The following RPL13A variants were observed in gnomAD, a reference collection of about 807,000 sequenced individuals.
RPL13A encodes the protein ribosomal protein L13a, also known as large ribosomal subunit protein uL13.
In RPL13A, 4 loss-of-function variants were observed where a neutral mutation model predicts 30.8. The ratio of observed to expected loss-of-function variants is 0.13; its 90% CI spans 0.06 to 0.30. The LOEUF is 0.30. Ranked by LOEUF, RPL13A falls within the 10% of genes least tolerant of loss-of-function variation. The pLI is 1.00. For missense variants in RPL13A, 196 were observed against 272.6 expected (o/e 0.72, Z 1.98); for synonymous variants, 108 against 104.2 (o/e 1.04, Z -0.22).
In RPL13A at chr19:49,491,792, A is replaced by C. The variant is rs1245076136; in HGVS notation, c.589A>C (p.Lys197Gln). 1 of 1,611,018 alleles carries C rather than the reference A, an allele frequency of 6.2e-7. No homozygotes were observed. The highest frequency in any genetic ancestry group is 1.3e-5 in the African/African-American group (1 of 74,882). The change falls in exon 8 of 8, where the codon AAG (lysine) becomes CAG (glutamine). Residue 197 changes from lysine to glutamine, a missense_variant. By Grantham distance (53) the Lys-to-Gln change is moderately conservative. Coordinates refer to ENST00000391857, the MANE Select transcript of RPL13A (RefSeq NM_012423.4). ...KKIDKYTEVL[K>Q]THGLLV ...AATTGACAAATACACAGAGGTCCTCAAGACCCACGGACTCCTGGTCTGAGC... is the reference window on the plus strand; with the variant it reads ...AATTGACAAATACACAGAGGTCCTCCAGACCCACGGACTCCTGGTCTGAGC...
At position 49,491,982 on chromosome 19, in the gene RPL13A, C is replaced by A. The variant is rs1165410066; in HGVS notation, c.*167C>A. 2.8e-5 allele frequency: 17 copies of A among 597,286 alleles called. No individual in the cohort carries two copies. The highest frequency in any genetic ancestry group is 2.6e-4 in the Middle Eastern group (1 of 3,824). 37.0% of individuals were successfully genotyped at this position (597,286 alleles called of 1,614,324 possible). A position where few individuals can be genotyped will look rare whatever the true frequency, so the allele number is the denominator to read the frequency against. On this transcript the variant is annotated 3_prime_UTR_variant, in exon 8 of 8. Coordinates refer to ENST00000391857, the MANE Select transcript of RPL13A (RefSeq NM_012423.4). ...TCTTAGTCACTGCCTCCCGAAGTTGCTTGAAAGCACTCGGAGAATTGTGCA... is the reference window on the plus strand; with the variant it reads ...TCTTAGTCACTGCCTCCCGAAGTTGATTGAAAGCACTCGGAGAATTGTGCA...
At chr19:49,490,203 G>A (rs187072143) in intron 2 of RPL13A, 29 bp from the exon 3 acceptor site, 17 of 1,612,022 alleles carry the variant, frequency 1.1e-5, no homozygotes, top group African/African-American at 9.3e-5. Flanking sequence ...CAGGCGGCTC[G>A]GCCCTGCTAA....
At chr19:49,490,891 G>A (rs747722917) in intron 5 of RPL13A, 27 bp downstream of exon 5, 2 of 1,612,216 alleles carry the variant, frequency 1.2e-6, no homozygotes, top group East Asian at 4.5e-5. Context: ...CCCACAGGCA[G>A]CGGCCTTACC....
At chr19:49,488,925 C>T (rs758931432) in intron 1 of RPL13A, among the ~76,000 whole-genome samples, 5 of 152,092 alleles carry the variant, frequency 3.3e-5, no homozygotes. Context: ...AGGATGGTCT[C>T]GAACTCCTGA....
At chr19:49,491,626 T>TTAA in intron 7 of RPL13A, 79 bp downstream of exon 7, 2 of 1,561,646 alleles carry the variant, frequency 1.3e-6, no homozygotes, top group Non-Finnish European at 1.7e-6. Context: ...CAGAGTACTC[T>TTAA]TAACTGGCAA....
intron 1 of RPL13A, 132 bp from the exon 2 acceptor site, chr19:49,489,718 T>C: frequency 1.3e-6 from 1 of 760,544 alleles, no homozygotes; most frequent in South Asian, 1.5e-5. Context: ...GCTCCGTGCA[T>C]AGTTCCCAGC....
intron 2 of RPL13A, 68 bp downstream of exon 2, chr19:49,489,990 C>A: frequency 1.5e-6 from 2 of 1,296,624 alleles, no homozygotes; most frequent in Non-Finnish European, 2.2e-6. Context: ...CAACATTCAC[C>A]ATCTTTCGTT....
chr19:49,490,337 C>A, intron 3 of RPL13A, 40 bp downstream of exon 3: 1 of 1,605,860 alleles, frequency 6.2e-7, no homozygotes, highest in South Asian at 1.1e-5. Context: ...GAGGGTCTCC[C>A]TGTGGGGTGT....
chr19:49,490,722 G>A, intron 4 of RPL13A, 57 bp from the exon 5 acceptor site: 3 of 1,590,854 alleles, frequency 1.9e-6, no homozygotes, highest in Non-Finnish European at 2.6e-6. Flanking sequence ...CCTCAGTGGG[G>A]TGGGTGGGCA....
In RPL13A at chr19:49,489,734, T is replaced by C. The variant is rs763321525; in HGVS notation, c.16-116T>C. On this transcript the variant is annotated intron_variant, in intron 1 of 7. Transcript: ENST00000391857. The stretch of plus-strand genomic sequence containing the variant: ...CTCCGTGCATAGTTCCCAGCTCTGA[T>C]GGCTGGGTGCAAGGCACGCTGTTGG... The C allele has an allele frequency of 4.8e-6, 4 of 833,456 alleles. No homozygotes were observed. The African/African-American group carries it at 6.6e-5, about 14-fold the overall frequency. The allele number at this position is 833,456 out of a possible 1,614,324, so 51.6% of individuals were successfully genotyped here. A position where few individuals can be genotyped will look rare whatever the true frequency, so the allele number is the denominator to read the frequency against.
rs768976103 is a variant in RPL13A at position 49,490,520 on chromosome 19, C to A, written c.200C>A (p.Ser67Tyr). The change falls in exon 4 of 8, where the codon TCC (serine) becomes TAC (tyrosine). Residue 67 changes from serine (S) to tyrosine (Y), a missense_variant. Coordinates refer to ENST00000391857, the MANE Select transcript of RPL13A (RefSeq NM_012423.4). ...CGCAAGCGGATGAACACCAACCCTT[C>A]CCGAGGCCCCTACCACTTCCGGGCC... is the stretch of plus-strand genomic sequence containing the variant. Reference protein sequence around the residue: ...FLRKRMNTNPSRGPYHFRAPS... With the variant: ...FLRKRMNTNPYRGPYHFRAPS... 7 of 1,614,080 alleles carry A rather than the reference C, an allele frequency of 4.3e-6. No individual in the cohort carries two copies. The highest frequency in any genetic ancestry group is 5.9e-6 in the Non-Finnish European group (7 of 1,180,050).
rs61738922 is a variant in RPL13A at position 49,489,894 on chromosome 19, G to T, written c.60G>T (p.Ala20=). ...DGRGHLLGRL[A]AIVAKQVLLG... ...GAGGCCATCTCCTGGGCCGCCTGGC[G>T]GCCATCGTGGCTAAACAGGTACTGC... is the stretch of plus-strand genomic sequence containing the variant. Residue 20 remains alanine (A), a synonymous_variant, in exon 2 of 8, where the codon GCG becomes GCT. Coordinates refer to ENST00000391857, the MANE Select transcript of RPL13A (RefSeq NM_012423.4). The T allele has an allele frequency of 5.1e-5, 83 of 1,614,010 alleles. No homozygotes were observed. The highest frequency in any genetic ancestry group is 6.7e-5 in the Non-Finnish European group (79 of 1,179,976).
At chr19:49,489,803 C>CA in intron 1 of RPL13A, 47 bp from the exon 2 acceptor site, 1 of 1,454,872 alleles carries the variant, frequency 6.9e-7, no homozygotes. Flanking sequence ...TGAGGACAAT[C>CA]AAAGGCTGTC....
intron 7 of RPL13A, 22 bp from the exon 8 acceptor site, chr19:49,491,707 C>T (rs780766643): frequency 6.2e-7 from 1 of 1,610,056 alleles, no homozygotes; most frequent in Non-Finnish European, 8.5e-7. Flanking sequence ...TGACCACCAC[C>T]ACCTGCACTT....
Position 49,490,883 on chromosome 19 carries a change from C to T in RPL13A, c.342+19C>T, listed in dbSNP as rs978301009. 1.2e-6 allele frequency: 2 copies of T among 1,613,758 alleles called. No homozygotes were observed. The highest frequency in any genetic ancestry group is 1.7e-6 in the Non-Finnish European group (2 of 1,179,768). Reference sequence around the variant, plus strand: ...CGACAAGGTGAGCTATGCCAAACCCCACAGGCAGCGGCCTTACCTGTGGCG... The same window carrying T: ...CGACAAGGTGAGCTATGCCAAACCCTACAGGCAGCGGCCTTACCTGTGGCG... On this transcript the variant is annotated intron_variant, in intron 5 of 7. Coordinates refer to ENST00000391857, the MANE Select transcript of RPL13A (RefSeq NM_012423.4).
chr19:49,487,764 G>T (rs1379269562), intron 1 of RPL13A, 120 bp downstream of exon 1: 1 of 1,097,582 alleles, frequency 9.1e-7, no homozygotes, highest in Non-Finnish European at 1.3e-6. Context: ...GAAGCAAAAT[G>T]GAAGTCTTTT....
At position 49,492,099 on chromosome 19, in the gene RPL13A, G is replaced by A. The variant is rs918447962; in HGVS notation, c.*284G>A. On this transcript the variant is annotated 3_prime_UTR_variant, in exon 8 of 8. Transcript: ENST00000391857. ...CTGATTGGAGGGCCCTATCTTGTGAGTGGGGCATCTGTTGGACTTTCCACC... is the reference window on the plus strand; with the variant it reads ...CTGATTGGAGGGCCCTATCTTGTGAATGGGGCATCTGTTGGACTTTCCACC... The A allele has an allele frequency of 2.6e-5, 10 of 389,128 alleles. No individual in the cohort carries two copies. Among genetic ancestry groups the A allele is most frequent in the Non-Finnish European group, 4.8e-5 (10 of 208,252 alleles). The allele number at this position is 389,128 out of a possible 1,614,324, so 24.1% of individuals were successfully genotyped here.
At position 49,491,111 on chromosome 19, in the gene RPL13A, C is replaced by G; in HGVS notation, c.402+12C>G. On this transcript the variant is annotated intron_variant, in intron 6 of 7. Transcript: ENST00000391857. ...AGCCTACAAGAAAGGTGAGTCCCAGCTTACGCTGCACCATCTACTTGGGAG... is the reference window on the plus strand; with the variant it reads ...AGCCTACAAGAAAGGTGAGTCCCAGGTTACGCTGCACCATCTACTTGGGAG... 1 of 1,614,084 alleles carries G rather than the reference C, an allele frequency of 6.2e-7. No individual in the cohort carries two copies. The highest frequency in any genetic ancestry group is 8.5e-7 in the Non-Finnish European group (1 of 1,179,992).
At chr19:49,491,682 C>T in intron 7 of RPL13A, 47 bp from the exon 8 acceptor site, 1 of 1,586,104 alleles carries the variant, frequency 6.3e-7, no homozygotes, top group Non-Finnish European at 8.6e-7. Flanking sequence ...GTAATGAGGG[C>T]AATGCAACCC....
Sources: gnomAD v4.1 joint callset for allele counts (sites outside exome capture counted in the v4.1 genomes callset) on GRCh38, gnomAD v4.1.1 for gene constraint, MANE v1.5 for transcripts, NCBI Gene and HGNC (gene_info 2026-07-23, HGNC 2026-07-21) for gene names.